Variants in PCOLCE2 observed in about 807,000 individuals in gnomAD.
PCOLCE2 encodes procollagen C-endopeptidase enhancer 2.
In PCOLCE2, 42 loss-of-function variants were observed where a neutral mutation model predicts 47.0. The ratio of observed to expected loss-of-function variants is 0.89; its 90% CI spans 0.70 to 1.16. The LOEUF is 1.16. PCOLCE2 is among the 50% of genes most tolerant of loss of function. PCOLCE2 has a pLI of 0.00. For synonymous variants in PCOLCE2, 169 were observed against 191.7 expected, an observed-to-expected ratio of 0.88 and a Z score of 0.98; for missense variants, 500 against 526.1, an observed-to-expected ratio of 0.95 and a Z score of 0.49.
At chr3:142,872,507 G>C (rs1382135956) in intron 2 of PCOLCE2, among the ~76,000 whole-genome samples, 1 of 152,142 alleles carries the variant, frequency 6.6e-6, no homozygotes, top group Non-Finnish European at 1.5e-5. Context: ...TCAAGGGCAA[G>C]AGTCTCTGTT....
intron 1 of PCOLCE2, chr3:142,888,509 T>C (rs952283571): frequency 4.3e-5 from 14 of 328,276 alleles, no homozygotes; most frequent in East Asian, 9.2e-5. Context: ...TCTGGCCCCA[T>C]AGACACGAGG....
chr3:142,838,588 T>A lies in PCOLCE2; in HGVS notation c.710+182A>T, dbSNP rs561043477. The stretch of plus-strand genomic sequence containing the variant: ...CCTGAGCCAATTAAACCTCTTTTTT[T>A]AAATAAATTACCCAGTCTCAGGTAT... On this transcript the variant is annotated intron_variant, in intron 5 of 8. Coordinates refer to ENST00000295992, the MANE Select transcript of PCOLCE2 (RefSeq NM_013363.4). Among the ~76,000 whole-genome samples, 4 of 152,272 alleles carry A rather than the reference T, an allele frequency of 2.6e-5. No individual in the cohort carries two copies. The East Asian group carries it at 7.7e-4, about 29-fold the overall frequency.
intron 5 of PCOLCE2, among the ~76,000 whole-genome samples, chr3:142,831,553 T>C (rs1398311435): frequency 6.6e-6 from 1 of 152,226 alleles, no homozygotes; most frequent in Non-Finnish European, 1.5e-5. Context: ...TGAAGTTATT[T>C]AAATAATGCT....
chr3:142,864,081 A>G (rs1054215697), intron 2 of PCOLCE2: 7 of 152,248 alleles, frequency 4.6e-5, no homozygotes, highest in African/African-American at 1.7e-4. Flanking sequence ...TTACTAGTCC[A>G]GACTGCGTGA....
At chr3:142,875,740 G>A (rs1274586834) in intron 2 of PCOLCE2, among the ~76,000 whole-genome samples, 1 of 152,024 alleles carries the variant, frequency 6.6e-6, no homozygotes, top group Non-Finnish European at 1.5e-5. Flanking sequence ...GCACCACAGT[G>A]CAGAGTTCTG....
At chr3:142,859,786 G>C (rs1391430524) in intron 2 of PCOLCE2, among the ~76,000 whole-genome samples, 1 of 152,128 alleles carries the variant, frequency 6.6e-6, no homozygotes, top group African/African-American at 2.4e-5. Context: ...AGGGTGCTCT[G>C]ATCCACCTGT....
chr3:142,849,070 G>A (rs539369705), intron 2 of PCOLCE2, among the ~76,000 whole-genome samples: 98 of 151,870 alleles, frequency 6.5e-4, no homozygotes, highest in African/African-American at 2.2e-3. Flanking sequence ...GGAGAATGGC[G>A]TGAACCCGGG....
chr3:142,875,607 C>T (rs956382943), intron 2 of PCOLCE2, among the ~76,000 whole-genome samples: 4 of 152,024 alleles, frequency 2.6e-5, no homozygotes, highest in African/African-American at 7.2e-5. Context: ...CTGAACAGAC[C>T]GATGAAGAGG....
chr3:142,827,193 A>G, intron 6 of PCOLCE2: 1 of 1,305,298 alleles, frequency 7.7e-7, no homozygotes, highest in Non-Finnish European at 1.1e-6. Context: ...GTCATCTCTG[A>G]GATGGCGGAG....
chr3:142,826,552 C>A (rs1283400689), intron 6 of PCOLCE2, among the ~76,000 whole-genome samples: 3 of 152,158 alleles, frequency 2.0e-5, no homozygotes, highest in Non-Finnish European at 4.4e-5. Context: ...TTGCTAGTTA[C>A]TCCCATCAAC....
chr3:142,820,028 A>C (rs1936994236), intron 8 of PCOLCE2, among the ~76,000 whole-genome samples: 1 of 152,134 alleles, frequency 6.6e-6, no homozygotes, highest in South Asian at 2.1e-4. Context: ...GAAAAATTGC[A>C]GAACTTGTGT....
chr3:142,844,329 G>A (rs372378557), intron 3 of PCOLCE2, among the ~76,000 whole-genome samples: 1 of 152,126 alleles, frequency 6.6e-6, no homozygotes, highest in African/African-American at 2.4e-5. Flanking sequence ...GCTGATGGGT[G>A]GTTTCTAGTC....
At chr3:142,848,081 G>T (rs1937346823) in intron 3 of PCOLCE2, 136 bp downstream of exon 3, 1 of 771,802 alleles carries the variant, frequency 1.3e-6, no homozygotes, top group Non-Finnish European at 2.1e-6. Context: ...TTTTTGTATT[G>T]GTCTCATCAT....
chr3:142,883,070 G>A (rs1933655684), intron 2 of PCOLCE2, among the ~76,000 whole-genome samples: 1 of 151,594 alleles, frequency 6.6e-6, no homozygotes, highest in African/African-American at 2.4e-5. Flanking sequence ...CATAGTGGTG[G>A]GCGCCTGTAG....
intron 2 of PCOLCE2, among the ~76,000 whole-genome samples, chr3:142,881,519 TCA>T (rs1456853994): frequency 6.6e-6 from 1 of 152,140 alleles, no homozygotes; most frequent in Non-Finnish European, 1.5e-5. Flanking sequence ...TGTGCAAATA[TCA>T]CAGAGTGCAT....
intron 3 of PCOLCE2, chr3:142,843,300 T>G: frequency 1.9e-6 from 1 of 532,406 alleles, no homozygotes; most frequent in Non-Finnish European, 3.6e-6. Context: ...GCCTCTTTTC[T>G]TTTTTTTTCC....
chr3:142,853,132 A>T (rs1169922554), intron 2 of PCOLCE2, among the ~76,000 whole-genome samples: 1 of 151,858 alleles, frequency 6.6e-6, no homozygotes, highest in Non-Finnish European at 1.5e-5. Flanking sequence ...AAATGGGATA[A>T]TGTTTACATA....
At chr3:142,873,813 C>CG (rs1254893784) in intron 2 of PCOLCE2, among the ~76,000 whole-genome samples, 1 of 152,098 alleles carries the variant, frequency 6.6e-6, no homozygotes, top group Non-Finnish European at 1.5e-5. Context: ...ATGACACACT[C>CG]GGGGGGTGGA....
intron 2 of PCOLCE2, among the ~76,000 whole-genome samples, chr3:142,865,996 C>T (rs1418183646): frequency 6.6e-6 from 1 of 152,140 alleles, no homozygotes; most frequent in South Asian, 2.1e-4. Context: ...CAGAAATAGA[C>T]CCACACATAT....
Sources: gnomAD v4.1 joint callset for allele counts (sites outside exome capture counted in the v4.1 genomes callset) on GRCh38, gnomAD v4.1.1 for gene constraint, MANE v1.5 for transcripts, NCBI Gene and HGNC (gene_info 2026-07-23, HGNC 2026-07-21) for gene names.